Variants in VPS26A observed in about 807,000 individuals in gnomAD.
VPS26A encodes vacuolar protein sorting-associated protein 26A.
In VPS26A, 22 loss-of-function variants were observed where a neutral mutation model predicts 42.4. The ratio of observed to expected loss-of-function variants is 0.52; its 90% confidence interval spans 0.37 to 0.74. The LOEUF is 0.74. VPS26A is among the 30% of genes least tolerant of loss of function. The pLI, the probability that VPS26A is intolerant of heterozygous loss-of-function variation, is 0.00. For synonymous variants in VPS26A, 110 were observed against 123.5 expected (o/e 0.89, Z 0.73); for missense variants, 276 against 379.2 (o/e 0.73, Z 2.26).
At chr10:69,135,215 A>G (rs1564674501) in intron 2 of VPS26A, among the ~76,000 whole-genome samples, 1 of 152,196 alleles carries the variant, frequency 6.6e-6, no homozygotes, top group Non-Finnish European at 1.5e-5. Context: ...TAGTCTCCAT[A>G]AAATACATGA....
intron 2 of VPS26A, among the ~76,000 whole-genome samples, chr10:69,139,107 C>T (rs2132198509): frequency 6.6e-6 from 1 of 152,140 alleles, no homozygotes; most frequent in South Asian, 2.1e-4. Context: ...ATATCTTTGT[C>T]TCTTTATTTG....
At chr10:69,163,762 TTTTC>T (rs1174514039) in intron 6 of VPS26A, among the ~76,000 whole-genome samples, 4 of 147,528 alleles carry the variant, frequency 2.7e-5, no homozygotes, top group South Asian at 4.2e-4. Context: ...TAATTTTCAG[TTTTC>T]TTTTTTTTTT....
intron 5 of VPS26A, among the ~76,000 whole-genome samples, chr10:69,160,956 TTTATG>T (rs1438008383): frequency 2.1e-4 from 32 of 152,204 alleles, no homozygotes; most frequent in Non-Finnish European, 1.0e-4. Context: ...GGGCAGATGA[TTTATG>T]TTAGCTGCAC....
At chr10:69,134,544 A>G (rs993452634) in intron 2 of VPS26A, among the ~76,000 whole-genome samples, 14 of 152,200 alleles carry the variant, frequency 9.2e-5, no homozygotes, top group African/African-American at 3.1e-4. Flanking sequence ...CCAAGGCAGC[A>G]TTGAATATGA....
At chr10:69,148,820 A>ATCTCAGC (rs1361310986) in intron 2 of VPS26A, among the ~76,000 whole-genome samples, 2 of 147,500 alleles carry the variant, frequency 1.4e-5, no homozygotes, top group African/African-American at 5.1e-5. Context: ...CAGTGGCACG[A>ATCTCAGC]TCTCAGCTCA....
intron 7 of VPS26A, among the ~76,000 whole-genome samples, chr10:69,166,543 T>C (rs1035140528): frequency 6.6e-6 from 1 of 152,198 alleles, no homozygotes; most frequent in Non-Finnish European, 1.5e-5. Context: ...TCTGAGACAA[T>C]GAAGCCAGTA....
chr10:69,163,619 TC>T (rs1408263398), intron 6 of VPS26A, among the ~76,000 whole-genome samples: 1 of 152,232 alleles, frequency 6.6e-6, no homozygotes, highest in East Asian at 1.9e-4. Flanking sequence ...TCTTATGGAT[TC>T]TTTTTCCCCC....
Position 69,143,544 on chromosome 10 carries a change from C to T in VPS26A, c.153+10497C>T, listed in dbSNP as rs776727297. 9.2e-5 allele frequency among the ~76,000 whole-genome samples: 14 copies of T among 152,062 alleles called. 1 individual carries two copies. The highest frequency in any genetic ancestry group is 6.2e-4 in the South Asian group (3 of 4,826). ...GTATCCACTCTGCTTTTTAGAGATACGCAAAATAAATCTAATCCTTTTCTA... is the reference window on the plus strand; with the variant it reads ...GTATCCACTCTGCTTTTTAGAGATATGCAAAATAAATCTAATCCTTTTCTA... On this transcript the variant is annotated intron_variant, in intron 2 of 8. Transcript: ENST00000263559.
chr10:69,157,561 G>A (rs1190321607), intron 4 of VPS26A, among the ~76,000 whole-genome samples: 2 of 152,166 alleles, frequency 1.3e-5, no homozygotes, highest in Admixed American at 6.5e-5. Flanking sequence ...AAAGGAGTAC[G>A]AACCTAGTTT....
chr10:69,136,282 T>C (rs1314309335), intron 2 of VPS26A, among the ~76,000 whole-genome samples: 1 of 151,410 alleles, frequency 6.6e-6, no homozygotes, highest in Non-Finnish European at 1.5e-5. Context: ...TTTTTTTTTT[T>C]GAGACAGAGT....
At chr10:69,149,856 C>T (rs532222677) in intron 2 of VPS26A, among the ~76,000 whole-genome samples, 1 of 145,276 alleles carries the variant, frequency 6.9e-6, no homozygotes, top group East Asian at 2.2e-4. Context: ...AAGTGATTCT[C>T]TAGCCTCAGC....
At chr10:69,141,417 CT>C (rs72401865) in intron 2 of VPS26A, among the ~76,000 whole-genome samples, 6,335 of 152,184 alleles carry the variant, frequency 0.042, 459 homozygotes, top group African/African-American at 0.14. Flanking sequence ...TCTGCAGAGT[CT>C]TTCACAAGCC....
At chr10:69,163,885 C>T (rs1317358550) in intron 6 of VPS26A, among the ~76,000 whole-genome samples, 1 of 151,022 alleles carries the variant, frequency 6.6e-6, no homozygotes, top group Non-Finnish European at 1.5e-5. Flanking sequence ...CCTGCCTCAG[C>T]CTCCCGAGTA....
intron 2 of VPS26A, among the ~76,000 whole-genome samples, chr10:69,151,501 T>C (rs1258948839): frequency 6.6e-6 from 1 of 151,820 alleles, no homozygotes; most frequent in African/African-American, 2.4e-5. Context: ...CCAGCATAGT[T>C]AGTTTACTTT....
Position 69,158,178 on chromosome 10 carries a change from G to T in VPS26A, c.518G>T (p.Cys173Phe), listed in dbSNP as rs758267772. Residue 173 changes from cysteine (C) to phenylalanine (F), a missense_variant, in exon 5 of 9, where the codon TGT becomes TTT. By Grantham distance (205) the Cys-to-Phe change is radical (BLOSUM62 -2). Coordinates refer to ENST00000263559, the MANE Select transcript of VPS26A (RefSeq NM_004896.5). ...AAGATGGAAGTGGGCATTGAAGATT[G>T]TCTACATATAGAATTTGAATATAAT... ...SIKMEVGIEDCLHIEFEYNKS... is the reference protein window; with the variant it reads ...SIKMEVGIEDFLHIEFEYNKS... 3.3e-5 allele frequency: 53 copies of T among 1,605,838 alleles called. No homozygotes were observed. The highest frequency in any genetic ancestry group is 5.4e-5 in the African/African-American group (4 of 74,494).
intron 3 of VPS26A, 69 bp from the exon 4 acceptor site, chr10:69,156,938 A>G: frequency 7.1e-7 from 1 of 1,407,754 alleles, no homozygotes; most frequent in Non-Finnish European, 9.5e-7. Flanking sequence ...TTGTGTTTGA[A>G]GTAGATGTCT....
chr10:69,140,181 C>T (rs1474554886), intron 2 of VPS26A, among the ~76,000 whole-genome samples: 1 of 151,942 alleles, frequency 6.6e-6, no homozygotes, highest in Non-Finnish European at 1.5e-5. Flanking sequence ...GATCCTCCTA[C>T]CTCAGCCTTC....
In VPS26A at chr10:69,146,337, G is replaced by A. The variant is rs140981823; in HGVS notation, c.154-9475G>A. On this transcript the variant is annotated intron_variant, in intron 2 of 8. Coordinates refer to ENST00000263559, the MANE Select transcript of VPS26A (RefSeq NM_004896.5). Reference sequence around the variant, plus strand: ...TCTGACCTTATGATCTGCCCACCTCGGTTTCCCAAAGTGCTGGAATTATAG... The same window carrying A: ...TCTGACCTTATGATCTGCCCACCTCAGTTTCCCAAAGTGCTGGAATTATAG... 2.5e-3 allele frequency among the ~76,000 whole-genome samples: 377 copies of A among 152,118 alleles called. 2 individuals carry two copies. The highest frequency in any genetic ancestry group is 8.8e-3 in the African/African-American group (365 of 41,480).
intron 1 of VPS26A, among the ~76,000 whole-genome samples, chr10:69,128,528 C>T (rs1272841382): frequency 2.1e-4 from 32 of 151,930 alleles, no homozygotes; most frequent in Admixed American, 2.1e-3. Context: ...CCGCGCCTGG[C>T]GATTTGATCT....
Sources: gnomAD v4.1 joint callset for allele counts (sites outside exome capture counted in the v4.1 genomes callset) on GRCh38, gnomAD v4.1.1 for gene constraint, MANE v1.5 for transcripts, NCBI Gene and HGNC (gene_info 2026-07-23, HGNC 2026-07-21) for gene names.